The following PATJ variants were observed in gnomAD, a reference collection of about 807,000 sequenced individuals.
PATJ encodes the protein inaD-like protein.
Under a neutral mutation model 224.9 loss-of-function variants are expected in PATJ, and 190 were observed. The ratio of observed to expected loss-of-function variants is 0.84; its 90% CI spans 0.75 to 0.95. PATJ has a LOEUF of 0.95. Ranked by LOEUF, PATJ falls within the 40% of genes least tolerant of loss-of-function variation. PATJ has a pLI of 0.00. For synonymous variants in PATJ, 769 were observed against 820.3 expected, an observed-to-expected ratio of 0.94 and a Z score of 1.07; for missense variants, 2,121 against 2,270.3, an observed-to-expected ratio of 0.93 and a Z score of 1.34.
intron 1 of PATJ, among the ~76,000 whole-genome samples, chr1:61,747,411 A>G (rs912636591): frequency 1.3e-4 from 20 of 152,202 alleles, no homozygotes; most frequent in Non-Finnish European, 2.6e-4. Context: ...CACCTACCAT[A>G]TAACGCTTGA....
In PATJ at chr1:62,161,076, T is replaced by A; in HGVS notation, c.*22T>A. 1 of 1,413,662 alleles carries A rather than the reference T, an allele frequency of 7.1e-7. No individual in the cohort carries two copies. 87.6% of individuals were successfully genotyped at this position (1,413,662 alleles called of 1,614,324 possible). ...ATGAGCCTCGGGCCTGATCACAAGATAGATGTTGTTGTTTAGAATATCCAC... is the reference window on the plus strand; with the variant it reads ...ATGAGCCTCGGGCCTGATCACAAGAAAGATGTTGTTGTTTAGAATATCCAC... On this transcript the variant is annotated 3_prime_UTR_variant, in exon 44 of 44. Transcript: ENST00000642238.
chr1:61,927,131 T>A (rs1443192437), intron 26 of PATJ, among the ~76,000 whole-genome samples: 1 of 152,190 alleles, frequency 6.6e-6, no homozygotes. Flanking sequence ...GGTATGTGAA[T>A]TGAATGAATA....
chr1:61,744,554 T>C (rs1407757335), intron 1 of PATJ, among the ~76,000 whole-genome samples: 2 of 79,732 alleles, frequency 2.5e-5, no homozygotes, highest in South Asian at 3.0e-4. Context: ...ATAGAACTTA[T>C]AAAATGAGTT....
At chr1:62,002,094 G>A (rs955540800) in intron 28 of PATJ, among the ~76,000 whole-genome samples, 5 of 152,092 alleles carry the variant, frequency 3.3e-5, no homozygotes, top group Non-Finnish European at 7.4e-5. Flanking sequence ...GAGGTAGCAG[G>A]AGTCCCATAG....
chr1:61,992,647 T>C (rs533796445), intron 28 of PATJ, among the ~76,000 whole-genome samples: 1 of 152,340 alleles, frequency 6.6e-6, no homozygotes, highest in Non-Finnish European at 1.5e-5. Flanking sequence ...CAAGATGGAA[T>C]GTCCTGTGAT....
intron 27 of PATJ, among the ~76,000 whole-genome samples, chr1:61,942,666 T>C (rs1677996535): frequency 6.6e-6 from 1 of 151,834 alleles, no homozygotes; most frequent in East Asian, 1.9e-4. Context: ...TTCTCCTGCC[T>C]CAGCCTCCTG....
rs573957055 is a variant in PATJ, at chr1:61,998,332, C to T, written c.3867+7968C>T. On this transcript the variant is annotated intron_variant, in intron 28 of 43. Coordinates refer to ENST00000642238, the MANE Select transcript of PATJ (RefSeq NM_001350145.3). The stretch of plus-strand genomic sequence containing the variant: ...CTCCTGACCTTAAGTGATCTGCCTG[C>T]CTCCGCCTCCCAAAGTGCTGGGATT... Among the ~76,000 whole-genome samples the T allele has an allele frequency of 2.6e-5, 4 of 151,932 alleles. No individual in the cohort carries two copies. In the East Asian group the frequency reaches 5.8e-4, roughly 22 times the overall value.
rs540825651 is a variant in PATJ, at chr1:61,839,509, G to C, written c.2112+5724G>C. The stretch of plus-strand genomic sequence containing the variant: ...CAATGATTAGGTAGTCCAAGAGTCT[G>C]TAATTTTTAATTTCTACCAAAAAGC... On this transcript the variant is annotated intron_variant, in intron 17 of 43. Transcript: ENST00000642238. Among the ~76,000 whole-genome samples the C allele has an allele frequency of 1.1e-4, 17 of 151,896 alleles. No homozygotes were observed. In the South Asian group the frequency reaches 2.1e-3, roughly 19 times the overall value.
intron 14 of PATJ, among the ~76,000 whole-genome samples, chr1:61,822,372 A>C (rs992111316): frequency 1.3e-5 from 2 of 149,224 alleles, no homozygotes; most frequent in Non-Finnish European, 3.0e-5. Context: ...CAGTGAGCTG[A>C]GATTGCACCA....
rs538781265 is a variant in PATJ at position 61,801,606 on chromosome 1, A to AT, written c.1403-8dup. 650 of 1,419,678 alleles carry AT rather than the reference A, an allele frequency of 4.6e-4. 1 individual carries two copies. Among genetic ancestry groups the AT allele is most frequent in the South Asian group, 9.7e-4 (61 of 62,704 alleles). The allele number at this position is 1,419,678 out of a possible 1,614,324, so 87.9% of individuals were successfully genotyped here. ...AGCATTAACAAAATTTTAAAAAATTATTTTTTTTTGTTTTAGGAACTGTTG... is the reference window on the plus strand; with the variant it reads ...AGCATTAACAAAATTTTAAAAAATTATTTTTTTTTTGTTTTAGGAACTGTTG... On this transcript the variant is annotated splice_polypyrimidine_tract_variant and intron_variant, in intron 11 of 43. Transcript: ENST00000642238.
At chr1:61,859,981 T>G (rs375327783) in intron 18 of PATJ, among the ~76,000 whole-genome samples, 1 of 152,192 alleles carries the variant, frequency 6.6e-6, no homozygotes, top group East Asian at 1.9e-4. Flanking sequence ...ACAGAGAATG[T>G]GAATAAGCAG....
At chr1:61,932,179 C>A (rs543953936) in intron 27 of PATJ, among the ~76,000 whole-genome samples, 2 of 152,256 alleles carry the variant, frequency 1.3e-5, no homozygotes, top group African/African-American at 2.4e-5. Context: ...CCTGCCCCCC[C>A]AACACACACA....
chr1:61,979,810 A>G (rs975959524), intron 27 of PATJ, among the ~76,000 whole-genome samples: 2 of 152,046 alleles, frequency 1.3e-5, no homozygotes, highest in African/African-American at 4.8e-5. Context: ...GAGTGGTAAG[A>G]TTGGACAAAC....
chr1:61,808,592 T>C, intron 14 of PATJ, 62 bp downstream of exon 14: 1 of 1,059,220 alleles, frequency 9.4e-7, no homozygotes, highest in South Asian at 1.3e-5. Flanking sequence ...GGTCTCACTA[T>C]GTTGTCCAGG....
At chr1:61,830,098 A>G (rs1659038730) in intron 16 of PATJ, among the ~76,000 whole-genome samples, 1 of 152,190 alleles carries the variant, frequency 6.6e-6, no homozygotes, top group Non-Finnish European at 1.5e-5. Context: ...CCTAATTTAA[A>G]AAATGTTTTT....
intron 7 of PATJ, among the ~76,000 whole-genome samples, chr1:61,777,724 T>TTC (rs1553157738): frequency 3.3e-4 from 35 of 106,024 alleles, no homozygotes; most frequent in East Asian, 1.7e-3. Flanking sequence ...TTTTTTTTTT[T>TTC]TTTAGCATAG....
chr1:62,155,692 TAA>T (rs34095874), intron 43 of PATJ, among the ~76,000 whole-genome samples: 33 of 140,580 alleles, frequency 2.3e-4, no homozygotes, highest in Non-Finnish European at 1.7e-4. Flanking sequence ...GCTCTGAATT[TAA>T]AAAAAAAAAA....
At chr1:62,023,964 T>G (rs770712635) in intron 29 of PATJ, among the ~76,000 whole-genome samples, 2 of 152,208 alleles carry the variant, frequency 1.3e-5, no homozygotes, top group Non-Finnish European at 2.9e-5. Context: ...CATCATATGA[T>G]TTTCGCTTTT....
chr1:61,943,324 A>G (rs143221421), intron 27 of PATJ, among the ~76,000 whole-genome samples: 66 of 152,330 alleles, frequency 4.3e-4, no homozygotes, highest in Middle Eastern at 6.8e-3. Flanking sequence ...GCGAGGGGTC[A>G]GGGAATTCCC....
Sources: allele counts gnomAD v4.1 joint callset (sites outside exome capture counted in the v4.1 genomes callset), GRCh38; gene constraint gnomAD v4.1.1; transcripts MANE v1.5; gene names NCBI Gene and HGNC (gene_info 2026-07-23, HGNC 2026-07-21).